Variants in UBE2D3 observed in about 807,000 individuals in gnomAD.
The protein encoded by UBE2D3 is ubiquitin-conjugating enzyme E2 D3.
UBE2D3 carries 2 observed loss-of-function variants against 22.8 expected under a neutral mutation model. That is an observed-to-expected ratio of 0.09 (90% CI 0.04 to 0.28). UBE2D3 has a LOEUF of 0.28. UBE2D3 is among the 10% of genes least tolerant of loss of function. The probability of loss-of-function intolerance (pLI) is 1.00; values close to 1 mark genes in which losing one functional copy is unlikely to be tolerated. For missense variants in UBE2D3, 27 were observed against 182.5 expected, an observed-to-expected ratio of 0.15 and a Z score of 4.91; for synonymous variants, 56 against 60.4, an observed-to-expected ratio of 0.93 and a Z score of 0.34.
intron 2 of UBE2D3, among the ~76,000 whole-genome samples, chr4:102,823,553 C>A (rs2110326618): frequency 6.6e-6 from 1 of 152,306 alleles, no homozygotes; most frequent in East Asian, 1.9e-4. Flanking sequence ...TTCTTTTAGG[C>A]TTGGTTCACA....
chr4:102,804,244 C>T (rs1033004953), intron 4 of UBE2D3, among the ~76,000 whole-genome samples: 5 of 152,248 alleles, frequency 3.3e-5, no homozygotes, highest in African/African-American at 9.6e-5. Flanking sequence ...TCACTGCAAG[C>T]GCCGCCTCCC....
At chr4:102,827,141 CCGTACACTCACTCCGCCTTCCAG>C in intron 1 of UBE2D3, 2 of 986,894 alleles carry the variant, frequency 2.0e-6, no homozygotes, top group Non-Finnish European at 2.4e-6. Flanking sequence ...CCTGACGCCA[CCGTACACTCACTCCGCCTTCCAG>C]CGCGCTCCCG....
intron 1 of UBE2D3, among the ~76,000 whole-genome samples, chr4:102,849,917 A>G (rs780829516): frequency 6.6e-6 from 1 of 152,142 alleles, no homozygotes; most frequent in Non-Finnish European, 1.5e-5. Flanking sequence ...AAATACATCA[A>G]TGACTAAGCA....
chr4:102,822,833 G>A (rs1353698008), intron 2 of UBE2D3, among the ~76,000 whole-genome samples: 3 of 152,198 alleles, frequency 2.0e-5, no homozygotes, highest in African/African-American at 7.2e-5. Context: ...CTACTCAGGA[G>A]GCTGAGGCAG....
intron 1 of UBE2D3, among the ~76,000 whole-genome samples, chr4:102,853,785 A>G (rs192497955): frequency 6.6e-6 from 1 of 152,182 alleles, no homozygotes; most frequent in Non-Finnish European, 1.5e-5. Context: ...TGAACTATCT[A>G]TTCAAAAAGG....
intron 1 of UBE2D3, among the ~76,000 whole-genome samples, chr4:102,836,220 T>A (rs1357363679): frequency 2.7e-5 from 4 of 150,244 alleles, no homozygotes; most frequent in African/African-American, 9.9e-5. Flanking sequence ...AATCTTGGCT[T>A]ACTGTAACCT....
At chr4:102,853,614 A>G (rs1027701692) in intron 1 of UBE2D3, among the ~76,000 whole-genome samples, 1 of 152,178 alleles carries the variant, frequency 6.6e-6, no homozygotes, top group Non-Finnish European at 1.5e-5. Context: ...GGAGAATAAT[A>G]TAAATTTGTA....
chr4:102,804,538 C>G (rs1438564388), intron 4 of UBE2D3, among the ~76,000 whole-genome samples: 1 of 152,092 alleles, frequency 6.6e-6, no homozygotes, highest in African/African-American at 2.4e-5. Flanking sequence ...ATTAGATTAA[C>G]ATGTCTTTAT....
chr4:102,808,859 A>G (rs966536545), intron 4 of UBE2D3, among the ~76,000 whole-genome samples: 2 of 152,146 alleles, frequency 1.3e-5, no homozygotes, highest in African/African-American at 2.4e-5. Flanking sequence ...TAACTCTAAG[A>G]GCATTTTTTC....
At chr4:102,868,580 G>C in intron 1 of UBE2D3, 1 of 1,106,848 alleles carries the variant, frequency 9.0e-7, no homozygotes, top group South Asian at 1.3e-5. Context: ...GGGTGAAGGA[G>C]TAAAATTAGG....
chr4:102,863,063 T>C (rs1732973416), intron 1 of UBE2D3, among the ~76,000 whole-genome samples: 1 of 152,012 alleles, frequency 6.6e-6, no homozygotes, highest in South Asian at 2.1e-4. Flanking sequence ...TTTTTTTTCT[T>C]TTTTTGAGAC....
chr4:102,864,368 T>A (rs923889044), intron 1 of UBE2D3, among the ~76,000 whole-genome samples: 1 of 31,262 alleles, frequency 3.2e-5, no homozygotes, highest in Non-Finnish European at 5.4e-5. Context: ...CTTCCCAATT[T>A]ATCCAGGAAT....
chr4:102,811,678 C>CAA, intron 2 of UBE2D3: 53 of 339,410 alleles, frequency 1.6e-4, no homozygotes, highest in South Asian at 3.8e-4. Flanking sequence ...TCAAAAACAA[C>CAA]AAAAAAAAAA....
chr4:102,843,520 A>G (rs528110458), intron 1 of UBE2D3: 2 of 152,322 alleles, frequency 1.3e-5, no homozygotes, highest in East Asian at 3.9e-4. Flanking sequence ...AGACTCCTAT[A>G]GTACCTGCCT....
At chr4:102,825,523 C>A in intron 2 of UBE2D3, 2 of 1,173,328 alleles carry the variant, frequency 1.7e-6, no homozygotes, top group South Asian at 1.6e-5. Flanking sequence ...CCAGTTAAAG[C>A]AGCCGCCATC....
At chr4:102,847,488 T>A (rs964975463) in intron 1 of UBE2D3, among the ~76,000 whole-genome samples, 6 of 148,938 alleles carry the variant, frequency 4.0e-5, no homozygotes, top group Non-Finnish European at 7.5e-5. Context: ...GGTTTTACCA[T>A]GTTAGTCAGG....
At chr4:102,860,379 ATT>A (rs1453663504) in intron 1 of UBE2D3, among the ~76,000 whole-genome samples, 1 of 34,452 alleles carries the variant, frequency 2.9e-5, no homozygotes, top group African/African-American at 2.2e-4. Context: ...ACTTTAATTT[ATT>A]CCTTTGGTTG....
At chr4:102,836,166 TGAC>T (rs1560882575) in intron 1 of UBE2D3, among the ~76,000 whole-genome samples, 15 of 131,944 alleles carry the variant, frequency 1.1e-4, no homozygotes, top group African/African-American at 2.1e-4. Flanking sequence ...TTTTTTTTTG[TGAC>T]TGAGTCTCAC....
intron 2 of UBE2D3, among the ~76,000 whole-genome samples, chr4:102,816,864 G>A (rs1226164687): frequency 1.3e-5 from 2 of 152,104 alleles, no homozygotes; most frequent in African/African-American, 4.8e-5. Context: ...AAAACACCAA[G>A]ATAATTAAGA....
Sources: allele counts gnomAD v4.1 joint callset (sites outside exome capture counted in the v4.1 genomes callset), GRCh38; gene constraint gnomAD v4.1.1; transcripts MANE v1.5; gene names NCBI Gene and HGNC (gene_info 2026-07-23, HGNC 2026-07-21).